Variants in GRM8 observed in about 807,000 individuals in gnomAD.
The protein encoded by GRM8 is glutamate metabotropic receptor 8, also known as metabotropic glutamate receptor 8.
GRM8 carries 47 observed loss-of-function variants against 87.2 expected under a neutral mutation model. The observed-to-expected ratio is 0.54, with a 90% confidence interval of 0.43 to 0.69. GRM8 has a LOEUF of 0.69. Ranked by LOEUF, GRM8 falls within the 30% of genes least tolerant of loss-of-function variation. The pLI is 0.00. For synonymous variants in GRM8, 396 were observed against 404.5 expected, an observed-to-expected ratio of 0.98 and a Z score of 0.25; for missense variants, 1,019 against 1,139.2, an observed-to-expected ratio of 0.89 and a Z score of 1.52.
intron 3 of GRM8, chr7:127,095,527 A>G (rs892163464): frequency 6.6e-6 from 1 of 152,368 alleles, no homozygotes; most frequent in Non-Finnish European, 1.5e-5. Context: ...TACACATATT[A>G]AACATTTCTC....
chr7:126,697,601 G>A (rs1379507907), intron 7 of GRM8, among the ~76,000 whole-genome samples: 2 of 151,942 alleles, frequency 1.3e-5, no homozygotes, highest in East Asian at 3.9e-4. Flanking sequence ...CCCCATTGTG[G>A]GTCATTTTTT....
chr7:126,643,317 AAAATATATATATATATATATATAT>A (rs1802662217), intron 7 of GRM8, among the ~76,000 whole-genome samples: 1 of 20,796 alleles, frequency 4.8e-5, no homozygotes, highest in Non-Finnish European at 8.4e-5. Flanking sequence ...AAAAAAAAAA[AAAATATATATATATATATATATAT>A]ATATATATAT....
chr7:127,059,563 C>T (rs1485260575), intron 3 of GRM8, among the ~76,000 whole-genome samples: 3 of 152,120 alleles, frequency 2.0e-5, no homozygotes, highest in African/African-American at 7.2e-5. Flanking sequence ...TCTCTAACTC[C>T]TGACCTTGTG....
intron 3 of GRM8, among the ~76,000 whole-genome samples, chr7:126,927,695 A>T (rs927909269): frequency 2.6e-5 from 4 of 151,974 alleles, no homozygotes; most frequent in Non-Finnish European, 2.9e-5. Flanking sequence ...TAGAATGCTG[A>T]TCATTAAAAA....
intron 2 of GRM8, 54 bp downstream of exon 2, chr7:127,242,641 C>A: frequency 1.3e-6 from 2 of 1,509,784 alleles, no homozygotes; most frequent in Admixed American, 1.8e-5. Flanking sequence ...CAGTAGGAGT[C>A]ATAGCATTTC....
At chr7:127,082,129 C>A (rs1822937075) in intron 3 of GRM8, 1 of 152,228 alleles carries the variant, frequency 6.6e-6, no homozygotes, top group Non-Finnish European at 1.5e-5. Context: ...ACAAACTATA[C>A]CGCTCTTTGC....
intron 8 of GRM8, among the ~76,000 whole-genome samples, chr7:126,549,344 T>C (rs922413215): frequency 6.6e-6 from 1 of 152,084 alleles, no homozygotes; most frequent in Non-Finnish European, 1.5e-5. Context: ...CATAAGATTA[T>C]TTTGGTGGGG....
chr7:126,987,445 G>GTTTTTTTTTTTT (rs11395818), intron 3 of GRM8, among the ~76,000 whole-genome samples: 1 of 148,560 alleles, frequency 6.7e-6, no homozygotes, highest in Non-Finnish European at 1.5e-5. Context: ...CTTGTTCACA[G>GTTTTTTTTTTTT]TTTTTTTTTT....
chr7:127,239,272 G>A (rs542828509), intron 2 of GRM8, among the ~76,000 whole-genome samples: 16 of 152,184 alleles, frequency 1.1e-4, no homozygotes, highest in African/African-American at 2.4e-4. Flanking sequence ...TAAACACATC[G>A]CAATCACATT....
chr7:126,606,778 T>G (rs900267863), intron 8 of GRM8, among the ~76,000 whole-genome samples: 1 of 152,238 alleles, frequency 6.6e-6, no homozygotes, highest in Admixed American at 6.5e-5. Flanking sequence ...TGATACATTT[T>G]ATGAACGATA....
At chr7:126,702,065 A>C (rs1485123120) in intron 7 of GRM8, among the ~76,000 whole-genome samples, 1 of 152,220 alleles carries the variant, frequency 6.6e-6, no homozygotes, top group African/African-American at 2.4e-5. Context: ...AATAATAAGC[A>C]GGCTCTATTT....
intron 3 of GRM8, among the ~76,000 whole-genome samples, chr7:126,931,983 T>C (rs991947834): frequency 1.3e-5 from 2 of 152,198 alleles, no homozygotes; most frequent in African/African-American, 2.4e-5. Context: ...CTTACTATGC[T>C]AATTAACATT....
chr7:126,569,960 T>A (rs996315410), intron 8 of GRM8, among the ~76,000 whole-genome samples: 39 of 152,278 alleles, frequency 2.6e-4, no homozygotes, highest in Non-Finnish European at 5.6e-4. Flanking sequence ...CTTATCCCCA[T>A]AAGATGTAAT....
intron 3 of GRM8, among the ~76,000 whole-genome samples, chr7:126,957,443 G>A (rs1808833004): frequency 6.6e-6 from 1 of 152,168 alleles, no homozygotes. Context: ...CAGCCACCCA[G>A]CTGCAGCTCC....
At chr7:126,874,742 A>G (rs1232735964) in intron 6 of GRM8, among the ~76,000 whole-genome samples, 1 of 152,246 alleles carries the variant, frequency 6.6e-6, no homozygotes, top group South Asian at 2.1e-4. Flanking sequence ...CTCTAGGCCA[A>G]TGTTCCTTCT....
At chr7:126,630,982 T>A (rs944192436) in intron 7 of GRM8, among the ~76,000 whole-genome samples, 1 of 152,162 alleles carries the variant, frequency 6.6e-6, no homozygotes, top group Non-Finnish European at 1.5e-5. Flanking sequence ...AAGACAAGGA[T>A]GCCCTCTCTT....
intron 2 of GRM8, among the ~76,000 whole-genome samples, chr7:127,216,398 A>G (rs555523988): frequency 1.9e-4 from 29 of 152,036 alleles, no homozygotes; most frequent in Admixed American, 5.9e-4. Context: ...TGCACCTGTA[A>G]TCCCAGCTAC....
intron 6 of GRM8, among the ~76,000 whole-genome samples, chr7:126,788,992 G>A (rs1263858065): frequency 6.6e-6 from 1 of 151,968 alleles, no homozygotes; most frequent in African/African-American, 2.4e-5. Context: ...ATATTATCAA[G>A]GAAGAGAAAG....
intron 6 of GRM8, among the ~76,000 whole-genome samples, chr7:126,807,500 G>A (rs192169974): frequency 1.2e-4 from 18 of 152,234 alleles, no homozygotes; most frequent in Non-Finnish European, 2.4e-4. Context: ...AAAATCAAGC[G>A]AGATGCATTT....
Sources: gnomAD v4.1 joint callset for allele counts (sites outside exome capture counted in the v4.1 genomes callset) on GRCh38, gnomAD v4.1.1 for gene constraint, MANE v1.5 for transcripts, NCBI Gene and HGNC (gene_info 2026-07-23, HGNC 2026-07-21) for gene names.